Variants in CNTNAP2 observed in about 807,000 individuals in gnomAD.
CNTNAP2 encodes contactin associated protein 2.
In CNTNAP2, 98 loss-of-function variants were observed where a neutral mutation model predicts 155.2. The ratio of observed to expected loss-of-function variants is 0.63; its 90% confidence interval spans 0.54 to 0.75. The LOEUF is 0.75. CNTNAP2 is among the 30% of genes least tolerant of loss of function. The pLI is 0.00. For synonymous variants in CNTNAP2, 651 were observed against 631.2 expected (o/e 1.03, Z -0.47); for missense variants, 1,727 against 1,688.1 (o/e 1.02, Z -0.40).
At chr7:147,208,421 G>T (rs1803066462) in intron 8 of CNTNAP2, among the ~76,000 whole-genome samples, 1 of 152,012 alleles carries the variant, frequency 6.6e-6, no homozygotes, top group Non-Finnish European at 1.5e-5. Context: ...GCATTTAAAG[G>T]TCAGGGAAGA....
chr7:146,760,409 C>CTTTTTTT lies in CNTNAP2; in HGVS notation c.98-13835_98-13829dup, dbSNP rs532820418. Among the ~76,000 whole-genome samples the CTTTTTTT allele has an allele frequency of 6.8e-3, 382 of 56,298 alleles. 72 individuals carry two copies. The highest frequency in any genetic ancestry group is 0.028 in the African/African-American group (331 of 11,804). The allele number at this position is 56,298 out of a possible 152,430, so 36.9% of individuals were successfully genotyped here. ...CACCTCTGTATCATCTCCAATTTAC[C>CTTTTTTT]TTTTTTTTTTTTTTTTTTTTTTTTT... On this transcript the variant is annotated intron_variant, in intron 1 of 23. Transcript: ENST00000361727.
At chr7:147,002,233 A>G (rs553735001) in intron 3 of CNTNAP2, among the ~76,000 whole-genome samples, 1 of 152,086 alleles carries the variant, frequency 6.6e-6, no homozygotes, top group Non-Finnish European at 1.5e-5. Flanking sequence ...ATGGATGAAC[A>G]TACACTCACA....
chr7:146,245,927 G>T (rs1358652707), intron 1 of CNTNAP2, among the ~76,000 whole-genome samples: 60 of 113,400 alleles, frequency 5.3e-4, no homozygotes, highest in African/African-American at 1.6e-3. Context: ...AGAGAGGATA[G>T]GGTTTGGCAC....
intron 1 of CNTNAP2, among the ~76,000 whole-genome samples, chr7:146,439,085 C>G (rs759558695): frequency 6.6e-6 from 1 of 151,596 alleles, no homozygotes; most frequent in South Asian, 2.1e-4. Context: ...AAAAAAGTAC[C>G]GCCACAGGTG....
intron 13 of CNTNAP2, among the ~76,000 whole-genome samples, chr7:147,793,770 A>G (rs919073200): frequency 6.6e-6 from 1 of 152,022 alleles, no homozygotes; most frequent in Admixed American, 6.6e-5. Context: ...AGTCCCATAT[A>G]AACAATATTA....
intron 10 of CNTNAP2, among the ~76,000 whole-genome samples, chr7:147,472,287 A>C (rs1254510746): frequency 7.0e-6 from 1 of 142,366 alleles, no homozygotes; most frequent in African/African-American, 2.7e-5. Context: ...ATCTCGGCTC[A>C]CTGCAACCTT....
At chr7:146,572,277 T>A (rs1446684171) in intron 1 of CNTNAP2, among the ~76,000 whole-genome samples, 2 of 150,906 alleles carry the variant, frequency 1.3e-5, no homozygotes, top group African/African-American at 4.9e-5. Flanking sequence ...TTTTTTTTTT[T>A]TTTTTTTGTA....
At chr7:146,887,599 T>G (rs1333302201) in intron 3 of CNTNAP2, among the ~76,000 whole-genome samples, 1 of 152,202 alleles carries the variant, frequency 6.6e-6, no homozygotes, top group African/African-American at 2.4e-5. Flanking sequence ...GTATTTTTTT[T>G]CTAAAATTTC....
chr7:146,871,768 A>G (rs1795314330), intron 3 of CNTNAP2, among the ~76,000 whole-genome samples: 1 of 152,102 alleles, frequency 6.6e-6, no homozygotes, highest in African/African-American at 2.4e-5. Context: ...TTATTTCAAA[A>G]AAACTATCCT....
intron 1 of CNTNAP2, among the ~76,000 whole-genome samples, chr7:146,298,614 G>A (rs1800553400): frequency 6.6e-6 from 1 of 152,148 alleles, no homozygotes; most frequent in African/African-American, 2.4e-5. Flanking sequence ...AGCTTTGTTT[G>A]GTTGTTCCCT....
intron 13 of CNTNAP2, among the ~76,000 whole-genome samples, chr7:147,654,804 A>ATCTC (rs1795500419): frequency 9.6e-6 from 1 of 104,026 alleles, no homozygotes; most frequent in Non-Finnish European, 1.9e-5. Context: ...AGCAAAATAT[A>ATCTC]TTTCTTTTTT....
At chr7:146,186,582 A>G (rs992005555) in intron 1 of CNTNAP2, among the ~76,000 whole-genome samples, 3 of 152,058 alleles carry the variant, frequency 2.0e-5, no homozygotes, top group African/African-American at 7.2e-5. Context: ...AGTGTCTTGC[A>G]TTTCCTTGGT....
rs1250687639 is a variant in CNTNAP2 at position 146,851,648 on chromosome 7, TTC to T, written c.402+11746_402+11747del. Among the ~76,000 whole-genome samples, 17 of 134,006 alleles carry T rather than the reference TTC, an allele frequency of 1.3e-4. No individual in the cohort carries two copies. The East Asian group carries it at 3.6e-3, about 28-fold the overall frequency. 87.9% of individuals were successfully genotyped at this position (134,006 alleles called of 152,430 possible). A position where few individuals can be genotyped will look rare whatever the true frequency, so the allele number is the denominator to read the frequency against. Reference sequence around the variant, plus strand: ...CCTGTGTTGCTTTATATCATCTTTCTTCTGTGTGTGTGTGTGTGTGTGTGTGT... The same window carrying T: ...CCTGTGTTGCTTTATATCATCTTTCTTGTGTGTGTGTGTGTGTGTGTGTGT... On this transcript the variant is annotated intron_variant, in intron 3 of 23. Transcript: ENST00000361727.
chr7:147,024,019 C>A (rs954065453), intron 3 of CNTNAP2, among the ~76,000 whole-genome samples: 3 of 152,170 alleles, frequency 2.0e-5, no homozygotes, highest in Non-Finnish European at 2.9e-5. Context: ...TCATTCAGAA[C>A]TTAATCACAG....
chr7:146,470,425 A>G (rs368114795), intron 1 of CNTNAP2, among the ~76,000 whole-genome samples: 15 of 151,978 alleles, frequency 9.9e-5, no homozygotes, highest in Non-Finnish European at 4.4e-5. Flanking sequence ...AGCACATATG[A>G]CTCCCACTAC....
chr7:146,444,137 A>G (rs1271273740), intron 1 of CNTNAP2, among the ~76,000 whole-genome samples: 4 of 152,046 alleles, frequency 2.6e-5, no homozygotes, highest in African/African-American at 9.7e-5. Context: ...GGTTCAAGCA[A>G]TTCTTCTGTC....
In CNTNAP2 at chr7:146,748,564, T is replaced by C. The variant is rs150880140; in HGVS notation, c.98-25707T>C. On this transcript the variant is annotated intron_variant, in intron 1 of 23. Coordinates refer to ENST00000361727, the MANE Select transcript of CNTNAP2 (RefSeq NM_014141.6). ...ATTAAAAGAATGATGATAGACAAAG[T>C]TGAAAGTTCACTAGTTTATAATTTT... Among the ~76,000 whole-genome samples, 683 of 152,324 alleles carry C rather than the reference T, an allele frequency of 4.5e-3. 4 individuals carry two copies. The highest frequency in any genetic ancestry group is 0.015 in the African/African-American group (643 of 41,582).
chr7:147,867,736 G>A (rs187488184), intron 13 of CNTNAP2, among the ~76,000 whole-genome samples: 3 of 151,832 alleles, frequency 2.0e-5, no homozygotes, highest in Admixed American at 6.6e-5. Flanking sequence ...CTACTTGATC[G>A]AATCAGCTGT....
chr7:146,471,281 T>C (rs1242781452), intron 1 of CNTNAP2, among the ~76,000 whole-genome samples: 3 of 152,222 alleles, frequency 2.0e-5, no homozygotes, highest in East Asian at 1.9e-4. Context: ...TCCTGCAACA[T>C]AGAAGTCACT....
Sources: gnomAD v4.1 joint callset for allele counts (sites outside exome capture counted in the v4.1 genomes callset) on GRCh38, gnomAD v4.1.1 for gene constraint, MANE v1.5 for transcripts, NCBI Gene and HGNC (gene_info 2026-07-23, HGNC 2026-07-21) for gene names.